The following TOP3B variants were observed in gnomAD, a reference collection of about 807,000 sequenced individuals.
The protein encoded by TOP3B is DNA topoisomerase III beta.
Under a neutral mutation model 93.9 loss-of-function variants are expected in TOP3B, and 45 were observed. The ratio of observed to expected loss-of-function variants is 0.48; its 90% CI spans 0.38 to 0.61. TOP3B has a LOEUF of 0.61. Among genes scored for constraint, TOP3B ranks in the 20% least tolerant of loss-of-function variants. TOP3B has a pLI of 0.00. For missense variants in TOP3B, 750 were observed against 1,156.1 expected, an observed-to-expected ratio of 0.65 and a Z score of 5.09; for synonymous variants, 357 against 472.6, an observed-to-expected ratio of 0.76 and a Z score of 3.17.
intron 7 of TOP3B, 43 bp downstream of exon 7, chr22:21,968,576 C>T (rs1436762793): frequency 6.2e-7 from 1 of 1,608,814 alleles, no homozygotes; most frequent in Admixed American, 1.7e-5. Context: ...ATCCATGCCC[C>T]AAACCCAGAA....
At position 21,964,307 on chromosome 22, in the gene TOP3B, G is replaced by A. The variant is rs758713742; in HGVS notation, c.952C>T (p.Pro318Ser). Reference sequence around the variant, plus strand: ...TCAGCCGTCTGCATGGCGTGCTGCGGCCCCATGCCTGCGAGAGACAGGAGG... The same window carrying A: ...TCAGCCGTCTGCATGGCGTGCTGCGACCCCATGCCTGCGAGAGACAGGAGG... ...RVASSSLGMG[P>S]QHAMQTAERL... Residue 318 changes from proline (P) to serine (S), a missense_variant, in exon 10 of 18, where the codon CCG (proline) becomes TCG (serine). Physicochemically the swap from Pro to Ser is moderately conservative, Grantham distance 74 (BLOSUM62 -1). Transcript: ENST00000357179. 6.2e-7 allele frequency: 1 copy of A among 1,613,678 alleles called. No individual in the cohort carries two copies. The highest frequency in any genetic ancestry group is 8.5e-7 in the Non-Finnish European group (1 of 1,179,998).
At chr22:21,960,277 C>T (rs975927834) in intron 14 of TOP3B, 44 bp downstream of exon 14, 1 of 1,611,798 alleles carries the variant, frequency 6.2e-7, no homozygotes, top group African/African-American at 1.3e-5. Context: ...AGGGAGAAGC[C>T]AGGGAGCCTC....
chr22:21,963,955 G>T lies in TOP3B; in HGVS notation c.1172C>A (p.Thr391Asn). ...GGCCTCTGTGGCAGACTTCATGGGG[G>T]TGATGGGGGGATGGTCGCCGGCGTC... ...GHDAGDHPPI[T>N]PMKSATEAEL... Residue 391 changes from threonine (T) to asparagine (N), a missense_variant, in exon 11 of 18, where the codon ACC (threonine) becomes AAC (asparagine). Physicochemically the swap from Thr to Asn is moderately conservative, Grantham distance 65. Around this residue, in one of 4 missense-constraint regions of TOP3B, gnomAD observed 737 missense variants for 933.7 expected, o/e 0.79. Coordinates refer to ENST00000357179, the MANE Select transcript of TOP3B (RefSeq NM_001282112.2). The surrounding 1 kb of genome is among the most constrained non-coding windows in gnomAD (Gnocchi z 4.8). The T allele has an allele frequency of 1.9e-6, 3 of 1,613,562 alleles. No homozygotes were observed. Among genetic ancestry groups the T allele is most frequent in the Non-Finnish European group, 2.5e-6 (3 of 1,179,938 alleles).
rs1179815763 is a variant in TOP3B at position 21,970,935 on chromosome 22, C to T, written c.385-529G>A. 1.2e-5 allele frequency: 13 copies of T among 1,101,472 alleles called. No individual in the cohort carries two copies. Among genetic ancestry groups the T allele is most frequent in the Admixed American group, 4.0e-5 (1 of 25,022 alleles). 68.2% of individuals were successfully genotyped at this position (1,101,472 alleles called of 1,614,324 possible). Reference sequence around the variant, plus strand: ...GGGTGGTCCTAGCTTGTGGTGGGGGCAGCTCGGGCTAAAGCACAGCAGGGG... The same window carrying T: ...GGGTGGTCCTAGCTTGTGGTGGGGGTAGCTCGGGCTAAAGCACAGCAGGGG... On this transcript the variant is annotated intron_variant, in intron 5 of 17. Coordinates refer to ENST00000357179, the MANE Select transcript of TOP3B (RefSeq NM_001282112.2). This position sits in a 1 kb window ranked among gnomAD's most constrained non-coding sequence, Gnocchi z 4.4.
At chr22:21,968,845 C>A (rs889506333) in intron 6 of TOP3B, 70 bp from the exon 7 acceptor site, 1 of 1,566,086 alleles carries the variant, frequency 6.4e-7, no homozygotes, top group Non-Finnish European at 8.8e-7. Flanking sequence ...CCATGTGAGT[C>A]CAGCCCAAGG....
intron 13 of TOP3B, chr22:21,961,904 ACT>A (rs1217920767): frequency 3.8e-5 from 9 of 236,800 alleles, no homozygotes; most frequent in African/African-American, 2.0e-4. Context: ...AGGAGTGTGC[ACT>A]GGTGACTACA....
In TOP3B at chr22:21,975,815, G is replaced by C; in HGVS notation, c.-98-8C>G. ...TATTACCAATGCTGACTCCTAAAGA[G>C]AAGAAAAGACACTCAGGATAGCAAT... On this transcript the variant is annotated splice_polypyrimidine_tract_variant and splice_region_variant and intron_variant, in intron 1 of 17. Coordinates refer to ENST00000357179, the MANE Select transcript of TOP3B (RefSeq NM_001282112.2). 7.3e-7 allele frequency: 1 copy of C among 1,377,304 alleles called. No individual in the cohort carries two copies. The highest frequency in any genetic ancestry group is 9.5e-7 in the Non-Finnish European group (1 of 1,054,782). The allele number at this position is 1,377,304 out of a possible 1,614,324, so 85.3% of individuals were successfully genotyped here.
In TOP3B at chr22:21,970,130, C is replaced by T. The variant is rs551528444; in HGVS notation, c.581+80G>A. 2.1e-5 allele frequency: 33 copies of T among 1,541,584 alleles called. No individual in the cohort carries two copies. In the Admixed American group the frequency reaches 2.5e-4, roughly 12 times the overall value. ...CTGGCTCGAGGAGGCCTAGGGGCCCCGGAGGGGGACCAGTAGAGGCAGGTC... is the reference window on the plus strand; with the variant it reads ...CTGGCTCGAGGAGGCCTAGGGGCCCTGGAGGGGGACCAGTAGAGGCAGGTC... On this transcript the variant is annotated intron_variant, in intron 6 of 17. Coordinates refer to ENST00000357179, the MANE Select transcript of TOP3B (RefSeq NM_001282112.2). The surrounding 1 kb of genome is among the most constrained non-coding windows in gnomAD (Gnocchi z 4.4).
In TOP3B at chr22:21,963,770, G is replaced by A; in HGVS notation, c.1204+153C>T. 1 of 710,876 alleles carries A rather than the reference G, an allele frequency of 1.4e-6. No homozygotes were observed. The allele number at this position is 710,876 out of a possible 1,614,324, so 44.0% of individuals were successfully genotyped here. A position where few individuals can be genotyped will look rare whatever the true frequency, so the allele number is the denominator to read the frequency against. On this transcript the variant is annotated intron_variant, in intron 11 of 17. Transcript: ENST00000357179. This position sits in a 1 kb window ranked among gnomAD's most constrained non-coding sequence, Gnocchi z 4.8. ...ACTCCTGTCCTGGTCCCATAGCAAT[G>A]GAGCTCATCTTCCAGGTGGCCCCCC...
rs5995334 is a variant in TOP3B at position 21,981,017 on chromosome 22, C to A, written c.-99+1713G>T. ...AGGTTTAAAAGAGATTTAGGGACTC[C>A]CCTTCTCTCACCCTGGGAAGCCAGA... On this transcript the variant is annotated intron_variant, in intron 1 of 17. Coordinates refer to ENST00000357179, the MANE Select transcript of TOP3B (RefSeq NM_001282112.2). 1.5e-4 allele frequency among the ~76,000 whole-genome samples: 23 copies of A among 152,260 alleles called. No individual in the cohort carries two copies. The East Asian group carries it at 4.2e-3, about 28-fold the overall frequency.
chr22:21,962,988 T>TA, intron 11 of TOP3B, 95 bp from the exon 12 acceptor site: 1 of 1,469,120 alleles, frequency 6.8e-7, no homozygotes, highest in Non-Finnish European at 9.4e-7. Context: ...AGCTCCTGCT[T>TA]ACAGAGCCGC....
chr22:21,964,643 C>G, intron 9 of TOP3B: 1 of 388,756 alleles, frequency 2.6e-6, no homozygotes, highest in Non-Finnish European at 4.8e-6. Context: ...AGCACCACTC[C>G]CCATGCATTG....
intron 7 of TOP3B, 195 bp downstream of exon 7, chr22:21,968,424 C>T (rs1601839167): frequency 6.5e-6 from 4 of 618,104 alleles, no homozygotes; most frequent in East Asian, 2.8e-5. Flanking sequence ...TCAGCATATA[C>T]AGGCCCAGTC....
At position 21,959,163 on chromosome 22, in the gene TOP3B, C is replaced by T. The variant is rs2071057051; in HGVS notation, c.1874G>A (p.Gly625Glu). Residue 625 changes from glycine (G) to glutamate (E), a missense_variant, in exon 16 of 18, where the codon GGG becomes GAG. Coordinates refer to ENST00000357179, the MANE Select transcript of TOP3B (RefSeq NM_001282112.2). ...AATGKPLSRC[G>E]KCHRFMKYIQ... ...GTACTTCATGAAGCGGTGGCACTTC[C>T]CACAGCGTGAGAGGGGCTTGCCTGT... The T allele has an allele frequency of 1.2e-6, 2 of 1,613,732 alleles. No individual in the cohort carries two copies. The highest frequency in any genetic ancestry group is 2.2e-5 in the South Asian group (2 of 91,080).
In TOP3B at chr22:21,970,631, G is replaced by A. The variant is rs2071599994; in HGVS notation, c.385-225C>T. On this transcript the variant is annotated intron_variant, in intron 5 of 17. Transcript: ENST00000357179. This position sits in a 1 kb window ranked among gnomAD's most constrained non-coding sequence, Gnocchi z 4.4. ...GCACTCCACAACACCCCACCACATG[G>A]CTTCCTTTACTCCCATCTAGAAACA... 7.0e-6 allele frequency: 4 copies of A among 574,608 alleles called. No individual in the cohort carries two copies. The Admixed American group carries it at 9.1e-5, about 13-fold the overall frequency. The allele number at this position is 574,608 out of a possible 1,614,324, so 35.6% of individuals were successfully genotyped here.
intron 13 of TOP3B, 68 bp from the exon 14 acceptor site, chr22:21,960,517 T>C: frequency 1.3e-5 from 20 of 1,596,520 alleles, no homozygotes; most frequent in Non-Finnish European, 1.7e-5. Flanking sequence ...ATGTGCTGTA[T>C]CACCTGTCAC....
Position 21,962,409 on chromosome 22 carries a change from G to A in TOP3B, c.1525+20C>T. On this transcript the variant is annotated intron_variant, in intron 13 of 17. Transcript: ENST00000357179. ...TACTGGAGACGGAGCCGGCTCTGGG[G>A]CCTGGGCAGGCGCACCCACCGATGC... 3 of 1,612,844 alleles carry A rather than the reference G, an allele frequency of 1.9e-6. No homozygotes were observed. The highest frequency in any genetic ancestry group is 2.5e-6 in the Non-Finnish European group (3 of 1,180,020).
At chr22:21,964,366 C>T (rs2071331433) in intron 9 of TOP3B, 51 bp from the exon 10 acceptor site, 1 of 1,600,920 alleles carries the variant, frequency 6.2e-7, no homozygotes, top group Non-Finnish European at 8.5e-7. Context: ...GGATGGCCAG[C>T]TGCCTGCCCT....
At chr22:21,960,686 T>C in intron 13 of TOP3B, 1 of 542,468 alleles carries the variant, frequency 1.8e-6, no homozygotes, top group East Asian at 3.1e-5. Flanking sequence ...CGCCTACTCC[T>C]GCTTTATGGC....
Sources: gnomAD v4.1 joint callset for allele counts (sites outside exome capture counted in the v4.1 genomes callset) on GRCh38, gnomAD v4.1.1 for gene constraint, gnomAD v4.1.1 regional missense constraint, Gnocchi (gnomAD v3.1) non-coding constraint, MANE v1.5 for transcripts, NCBI Gene and HGNC (gene_info 2026-07-23, HGNC 2026-07-21) for gene names.